C12orf42: variants seen among roughly 807,000 people sequenced by gnomAD.
C12orf42 encodes the protein chromosome 12 open reading frame 42.
C12orf42 carries 25 observed loss-of-function variants against 21.6 expected under a neutral mutation model. The ratio of observed to expected loss-of-function variants is 1.16; its 90% CI spans 0.84 to 1.62. C12orf42 has a LOEUF of 1.62. Among genes scored for constraint, C12orf42 ranks in the 40% most tolerant of loss-of-function variants. The pLI, the probability that C12orf42 is intolerant of heterozygous loss-of-function variation, is 0.00. For synonymous variants in C12orf42, 174 were observed against 175.0 expected, an observed-to-expected ratio of 0.99 and a Z score of 0.05; for missense variants, 483 against 459.3, an observed-to-expected ratio of 1.05 and a Z score of -0.47.
At chr12:103,479,906 A>T (rs1954342977) in intron 1 of C12orf42, among the ~76,000 whole-genome samples, 1 of 151,930 alleles carries the variant, frequency 6.6e-6, no homozygotes. Context: ...GCCTTTTTCC[A>T]CTTTATAATG....
At chr12:103,132,349 C>T in the C12orf42 span, among the ~76,000 whole-genome samples, 1 of 69,326 alleles carries the variant, frequency 1.4e-5, no homozygotes, top group Non-Finnish European at 2.9e-5. Flanking sequence ...GGCTCCCTAA[C>T]ATGGGAAAAA....
chr12:103,393,579 C>T (rs2047257872), intron 3 of C12orf42, among the ~76,000 whole-genome samples: 1 of 152,156 alleles, frequency 6.6e-6, no homozygotes, highest in South Asian at 2.1e-4. Flanking sequence ...CTTCCGTTCC[C>T]TTATCCTGCT....
At chr12:103,563,615 T>G in the C12orf42 span, among the ~76,000 whole-genome samples, 1 of 152,172 alleles carries the variant, frequency 6.6e-6, no homozygotes, top group South Asian at 2.1e-4. Flanking sequence ...TAATCTAGAC[T>G]AGCTTCAGCT....
At position 103,306,192 on chromosome 12, in the gene C12orf42, T is replaced by C. The variant is rs779426620; in HGVS notation, c.413A>G (p.Asp138Gly). The C allele has an allele frequency of 2.9e-5, 47 of 1,613,820 alleles. 1 individual carries two copies. The highest frequency in any genetic ancestry group is 1.0e-4 in the Admixed American group (6 of 59,948). ...RSSPAPSSET[D>G]EAPLIFTARG... ...GGCAGTAAAAATCAATGGGGCCTCA[T>C]CAGTTTCACTGGATGGTGCTGGAGA... The change falls in exon 5 of 6, where the codon GAT becomes GGT. Residue 138 changes from aspartate to glycine, a missense_variant. Physicochemically the swap from Asp to Gly is moderately conservative, Grantham distance 94. Transcript: ENST00000548883.
chr12:103,084,220 G>A, the C12orf42 span, among the ~76,000 whole-genome samples: 1 of 152,120 alleles, frequency 6.6e-6, no homozygotes, highest in Admixed American at 6.6e-5. Context: ...TAACAGACTT[G>A]CTCTTTCTTG....
At chr12:103,212,507 T>C in the C12orf42 span, among the ~76,000 whole-genome samples, 1 of 152,184 alleles carries the variant, frequency 6.6e-6, no homozygotes, top group East Asian at 1.9e-4. Context: ...ATATGTTTAG[T>C]GAATTTGTTG....
intron 2 of C12orf42, among the ~76,000 whole-genome samples, chr12:103,450,416 A>G (rs1349888322): frequency 6.6e-6 from 1 of 151,992 alleles, no homozygotes; most frequent in Non-Finnish European, 1.5e-5. Flanking sequence ...AATATTTTGG[A>G]TCAGTATTTT....
downstream of C12orf42, among the ~76,000 whole-genome samples, chr12:103,233,935 T>C (rs2033386152): frequency 6.6e-6 from 1 of 152,204 alleles, no homozygotes. Context: ...ATAGGTTAAA[T>C]TGTAGATATA....
the C12orf42 span, among the ~76,000 whole-genome samples, chr12:103,222,252 G>A: frequency 6.6e-5 from 10 of 151,872 alleles, no homozygotes; most frequent in Non-Finnish European, 7.4e-5. Context: ...CGTTTTATAG[G>A]ATTTGGGTAG....
intron 2 of C12orf42, among the ~76,000 whole-genome samples, chr12:103,462,302 G>T (rs564976126): frequency 3.0e-4 from 46 of 151,260 alleles, no homozygotes; most frequent in African/African-American, 1.1e-3. Flanking sequence ...ATACAGATGG[G>T]GTTTTGCCAT....
At chr12:103,253,891 GGATA>G (rs1378014843) in intron 10 of C12orf42, among the ~76,000 whole-genome samples, 1 of 151,496 alleles carries the variant, frequency 6.6e-6, no homozygotes, top group Non-Finnish European at 1.5e-5. Context: ...TTTGTCAAAT[GGATA>G]GATTGAAAAT....
At chr12:103,201,348 A>T in the C12orf42 span, among the ~76,000 whole-genome samples, 1 of 152,180 alleles carries the variant, frequency 6.6e-6, no homozygotes. Context: ...GGCTTTGTGA[A>T]GTGCTTGCTT....
At chr12:103,325,724 C>T (rs2040613970) in intron 4 of C12orf42, among the ~76,000 whole-genome samples, 1 of 152,220 alleles carries the variant, frequency 6.6e-6, no homozygotes, top group South Asian at 2.1e-4. Flanking sequence ...TTCACCCTTC[C>T]TTTGCACTGT....
At chr12:103,069,927 G>C in the C12orf42 span, among the ~76,000 whole-genome samples, 8 of 152,182 alleles carry the variant, frequency 5.3e-5, no homozygotes, top group African/African-American at 1.9e-4. Context: ...ACTCAAGGCA[G>C]AGTGCAGAAA....
At chr12:103,481,647 G>A (rs1014960978) in intron 1 of C12orf42, among the ~76,000 whole-genome samples, 4 of 63,382 alleles carry the variant, frequency 6.3e-5, no homozygotes, top group African/African-American at 2.0e-4. Context: ...AACATAAAGC[G>A]AGTTACTTTA....
chr12:103,397,330 G>A (rs2047618162), intron 3 of C12orf42, among the ~76,000 whole-genome samples: 1 of 152,164 alleles, frequency 6.6e-6, no homozygotes, highest in Admixed American at 6.5e-5. Flanking sequence ...TATGTCAGGG[G>A]TTCCCAAGCC....
chr12:103,402,679 T>C (rs2048104388), intron 2 of C12orf42, among the ~76,000 whole-genome samples: 1 of 152,112 alleles, frequency 6.6e-6, no homozygotes, highest in African/African-American at 2.4e-5. Flanking sequence ...GTTATGAAGG[T>C]ACAGACATAG....
chr12:103,280,297 C>A (rs903571812), intron 4 of C12orf42, among the ~76,000 whole-genome samples: 5 of 152,070 alleles, frequency 3.3e-5, no homozygotes, highest in Admixed American at 2.0e-4. Flanking sequence ...GCAACAACAA[C>A]AGAAAAGAGA....
At chr12:103,068,932 CACA>C in the C12orf42 span, among the ~76,000 whole-genome samples, 23 of 48,208 alleles carry the variant, frequency 4.8e-4, no homozygotes, top group Non-Finnish European at 4.1e-4. Context: ...TCTCTCTCTC[CACA>C]TATATATATA....
Sources: allele counts gnomAD v4.1 joint callset (sites outside exome capture counted in the v4.1 genomes callset), GRCh38; gene constraint gnomAD v4.1.1; transcripts MANE v1.5; gene names NCBI Gene and HGNC (gene_info 2026-07-23, HGNC 2026-07-21).